The following KCNH5 variants were observed in gnomAD, a reference collection of about 807,000 sequenced individuals.
KCNH5 encodes voltage-gated delayed rectifier potassium channel KCNH5.
Under a neutral mutation model 96.1 loss-of-function variants are expected in KCNH5, and 46 were observed. The observed-to-expected ratio is 0.48, with a 90% CI of 0.38 to 0.61. KCNH5 has a LOEUF of 0.61. KCNH5 is among the 20% of genes least tolerant of loss of function. The pLI is 0.00. For missense variants in KCNH5, 907 were observed against 1,225.8 expected (o/e 0.74, Z 3.88); for synonymous variants, 439 against 449.8 (o/e 0.98, Z 0.30).
intron 10 of KCNH5, among the ~76,000 whole-genome samples, chr14:62,768,816 C>A (rs139507180): frequency 6.7e-4 from 102 of 152,334 alleles, no homozygotes; most frequent in African/African-American, 2.5e-3. Context: ...CCAGCCCCAA[C>A]TTTGAAACTT....
intron 8 of KCNH5, among the ~76,000 whole-genome samples, chr14:62,846,636 T>C (rs1887696577): frequency 6.6e-6 from 1 of 151,742 alleles, no homozygotes; most frequent in African/African-American, 2.4e-5. Flanking sequence ...GTCAATTCCA[T>C]CTTTACAATT....
At chr14:62,880,619 C>T (rs995553432) in intron 7 of KCNH5, among the ~76,000 whole-genome samples, 29 of 151,714 alleles carry the variant, frequency 1.9e-4, no homozygotes, top group East Asian at 5.8e-4. Context: ...ATGTTTAGAA[C>T]GATATTAAAA....
chr14:62,771,966 G>C (rs536623297), intron 10 of KCNH5, among the ~76,000 whole-genome samples: 1 of 152,132 alleles, frequency 6.6e-6, no homozygotes, highest in South Asian at 2.1e-4. Flanking sequence ...AAACCCGCTT[G>C]ATTATATAAT....
At chr14:62,908,782 ATTTTTTTTTTTTTTTTTTTTT>A (rs71120241) in intron 7 of KCNH5, among the ~76,000 whole-genome samples, 2 of 23,712 alleles carry the variant, frequency 8.4e-5, no homozygotes, top group Non-Finnish European at 1.4e-4. Context: ...TTTGCTTTGT[ATTTTTTTTTTTTTTTTTTTTT>A]TTTTTTTTTT....
intron 7 of KCNH5, among the ~76,000 whole-genome samples, chr14:62,936,490 C>G (rs184707458): frequency 3.3e-5 from 5 of 151,278 alleles, no homozygotes; most frequent in African/African-American, 1.2e-4. Context: ...GCCTAGGCAA[C>G]ATGGTGAACC....
intron 7 of KCNH5, among the ~76,000 whole-genome samples, chr14:62,937,559 A>G (rs916295205): frequency 2.0e-5 from 3 of 152,208 alleles, no homozygotes; most frequent in Admixed American, 2.0e-4. Flanking sequence ...TCTTTTTCAC[A>G]GAAGTAAAAG....
chr14:62,822,856 C>G (rs1329388990), intron 8 of KCNH5, among the ~76,000 whole-genome samples: 1 of 151,876 alleles, frequency 6.6e-6, no homozygotes, highest in Non-Finnish European at 1.5e-5. Flanking sequence ...TTTAAAAAAC[C>G]ATACAGTGCA....
intron 1 of KCNH5, among the ~76,000 whole-genome samples, chr14:63,027,919 C>T (rs1891555526): frequency 6.6e-6 from 1 of 151,976 alleles, no homozygotes; most frequent in Non-Finnish European, 1.5e-5. Context: ...TGTATATACA[C>T]AATACACAAT....
chr14:63,038,426 T>C (rs942547483), intron 1 of KCNH5, among the ~76,000 whole-genome samples: 4 of 152,166 alleles, frequency 2.6e-5, no homozygotes, highest in Admixed American at 1.3e-4. Flanking sequence ...AGCTCAGATC[T>C]CAAATTGCGT....
At position 62,918,579 on chromosome 14, in the gene KCNH5, T is replaced by G. The variant is rs1178806910; in HGVS notation, c.1369+31554A>C. Among the ~76,000 whole-genome samples the G allele has an allele frequency of 2.6e-5, 4 of 152,244 alleles. No homozygotes were observed. In the South Asian group the frequency reaches 8.3e-4, roughly 32 times the overall value. On this transcript the variant is annotated intron_variant, in intron 7 of 10. Transcript: ENST00000322893. ...TAAAAACAATGGATAGAGGACATAG[T>G]AGGCAATTTGCAAAACATACAAATG...
intron 9 of KCNH5, among the ~76,000 whole-genome samples, chr14:62,790,482 G>A (rs1886410309): frequency 6.6e-6 from 1 of 151,582 alleles, no homozygotes; most frequent in South Asian, 2.1e-4. Context: ...TATGTATATT[G>A]CTTTGGCTAG....
At chr14:62,855,111 C>G (rs1243263987) in intron 7 of KCNH5, among the ~76,000 whole-genome samples, 1 of 151,682 alleles carries the variant, frequency 6.6e-6, no homozygotes, top group African/African-American at 2.4e-5. Flanking sequence ...GTGAGGAAGC[C>G]CGAGCATTTT....
At chr14:62,967,433 C>T (rs1890325673) in intron 6 of KCNH5, among the ~76,000 whole-genome samples, 1 of 151,774 alleles carries the variant, frequency 6.6e-6, no homozygotes, top group South Asian at 2.1e-4. Flanking sequence ...TGACATGTTC[C>T]CTTCATCAGT....
At chr14:62,848,715 C>T (rs1887746451) in intron 8 of KCNH5, among the ~76,000 whole-genome samples, 1 of 152,048 alleles carries the variant, frequency 6.6e-6, no homozygotes, top group Non-Finnish European at 1.5e-5. Flanking sequence ...TTGAAAGATG[C>T]TTTTTGAGCA....
chr14:63,040,194 T>C (rs1891796405), intron 1 of KCNH5, among the ~76,000 whole-genome samples: 1 of 152,120 alleles, frequency 6.6e-6, no homozygotes, highest in African/African-American at 2.4e-5. Context: ...GCCCTTCTAT[T>C]AAAAATAATG....
intron 8 of KCNH5, among the ~76,000 whole-genome samples, chr14:62,818,857 C>A (rs148170526): frequency 1.5e-4 from 23 of 152,174 alleles, no homozygotes; most frequent in Admixed American, 7.9e-4. Context: ...ATATGAAGAT[C>A]CATGTCAAAA....
intron 8 of KCNH5, among the ~76,000 whole-genome samples, chr14:62,810,258 C>T (rs1886845714): frequency 6.6e-6 from 1 of 151,932 alleles, no homozygotes; most frequent in African/African-American, 2.4e-5. Context: ...ACACAAGAGA[C>T]CCTAATAGTT....
chr14:62,872,057 T>C (rs535916925), intron 7 of KCNH5, among the ~76,000 whole-genome samples: 1 of 152,218 alleles, frequency 6.6e-6, no homozygotes, highest in Admixed American at 6.5e-5. Context: ...TAATCAGCAG[T>C]TAAGCATATA....
chr14:62,733,572 C>CAA (rs35595247), intron 10 of KCNH5, among the ~76,000 whole-genome samples: 14,672 of 152,170 alleles, frequency 0.096, 762 homozygotes, highest in East Asian at 0.15. Context: ...TACTTTTACT[C>CAA]ATGCTGTTTG....
Sources: gnomAD v4.1 joint callset for allele counts (sites outside exome capture counted in the v4.1 genomes callset) on GRCh38, gnomAD v4.1.1 for gene constraint, MANE v1.5 for transcripts, NCBI Gene and HGNC (gene_info 2026-07-23, HGNC 2026-07-21) for gene names.